NRXN1: variants seen among roughly 807,000 people sequenced by gnomAD.
The protein encoded by NRXN1 is neurexin 1.
Under a neutral mutation model 150.9 loss-of-function variants are expected in NRXN1, and 39 were observed. The observed-to-expected ratio is 0.26, with a 90% confidence interval of 0.20 to 0.34. NRXN1 has a LOEUF of 0.34. NRXN1 is among the 10% of genes least tolerant of loss of function. The pLI, the probability that NRXN1 is intolerant of heterozygous loss-of-function variation, is 1.00. For missense variants in NRXN1, 1,815 were observed against 1,949.9 expected (o/e 0.93, Z 1.30); for synonymous variants, 924 against 757.0 (o/e 1.22, Z -3.62).
chr2:50,875,941 T>G (rs946765511), intron 5 of NRXN1, among the ~76,000 whole-genome samples: 41 of 151,824 alleles, frequency 2.7e-4, no homozygotes, highest in African/African-American at 8.5e-4. Context: ...AGGACTCAAG[T>G]TCTAAGCAGA....
At chr2:50,640,195 G>A (rs1683870271) in intron 5 of NRXN1, among the ~76,000 whole-genome samples, 1 of 152,122 alleles carries the variant, frequency 6.6e-6, no homozygotes, top group South Asian at 2.1e-4. Flanking sequence ...ATCACCATAA[G>A]ACTTGGGCAC....
intron 17 of NRXN1, among the ~76,000 whole-genome samples, chr2:50,357,266 C>T (rs767776109): frequency 6.9e-6 from 1 of 145,760 alleles, no homozygotes; most frequent in African/African-American, 2.5e-5. Flanking sequence ...CCCATCTCTA[C>T]ATAAACAAAT....
chr2:51,028,511 T>C lies in NRXN1; in HGVS notation c.-238A>G, dbSNP rs1670997630. ...AAACGTTGACCCCAGTGGTACAGGG[T>C]AGCCACAGAACTTCCAGACCAAAGG... On this transcript the variant is annotated 5_prime_UTR_variant, in exon 2 of 23. Transcript: ENST00000401669. 1 of 404,338 alleles carries C rather than the reference T, an allele frequency of 2.5e-6. No individual in the cohort carries two copies. Among genetic ancestry groups the C allele is most frequent in the Admixed American group, 4.0e-5 (1 of 25,182 alleles). 25.0% of individuals were successfully genotyped at this position (404,338 alleles called of 1,614,324 possible).
chr2:50,141,880 GA>G (rs1707324475), intron 18 of NRXN1, among the ~76,000 whole-genome samples: 1 of 151,944 alleles, frequency 6.6e-6, no homozygotes, highest in African/African-American at 2.4e-5. Context: ...AGCCATTATG[GA>G]AAACAATACG....
At chr2:50,539,732 C>G (rs1403815996) in intron 9 of NRXN1, among the ~76,000 whole-genome samples, 1 of 152,052 alleles carries the variant, frequency 6.6e-6, no homozygotes, top group Non-Finnish European at 1.5e-5. Flanking sequence ...TAGGAAGAGT[C>G]TGATGAGAGA....
rs541074800 is a variant in NRXN1 at position 51,001,093 on chromosome 2, G to T, written c.772+26409C>A. On this transcript the variant is annotated intron_variant, in intron 2 of 22. Coordinates refer to ENST00000401669, the MANE Select transcript of NRXN1 (RefSeq NM_001330078.2). Reference sequence around the variant, plus strand: ...GAATGCCTTTCCCCATTTGGTGAATGAATAGATTTTTGTGTTTTGTTTTAG... The same window carrying T: ...GAATGCCTTTCCCCATTTGGTGAATTAATAGATTTTTGTGTTTTGTTTTAG... Among the ~76,000 whole-genome samples, 73 of 152,040 alleles carry T rather than the reference G, an allele frequency of 4.8e-4. No individual in the cohort carries two copies. The Middle Eastern group carries it at 0.02, about 43-fold the overall frequency.
chr2:49,962,020 G>A (rs1353673561), intron 21 of NRXN1, among the ~76,000 whole-genome samples: 1 of 152,032 alleles, frequency 6.6e-6, no homozygotes, highest in African/African-American at 2.4e-5. Flanking sequence ...AGGCAGGAGG[G>A]TCACTTGAGT....
At chr2:49,988,186 CA>C (rs1204523013) in intron 21 of NRXN1, among the ~76,000 whole-genome samples, 1 of 151,406 alleles carries the variant, frequency 6.6e-6, no homozygotes, top group Non-Finnish European at 1.5e-5. Flanking sequence ...GGTTTTCTTA[CA>C]TAATAAATAA....
chr2:50,091,598 C>T (rs1423031905), intron 18 of NRXN1, 104 bp from the exon 19 acceptor site: 2 of 1,178,176 alleles, frequency 1.7e-6, no homozygotes, highest in East Asian at 2.5e-5. Flanking sequence ...TGGACAACAG[C>T]TGCTTTCCTC....
chr2:50,404,777 G>A (rs1263760694), intron 17 of NRXN1, among the ~76,000 whole-genome samples: 1 of 152,022 alleles, frequency 6.6e-6, no homozygotes, highest in African/African-American at 2.4e-5. Context: ...AGGCCTGGAG[G>A]GGGATCTTTG....
chr2:50,261,009 A>G (rs1489537619), intron 17 of NRXN1, among the ~76,000 whole-genome samples: 1 of 151,708 alleles, frequency 6.6e-6, no homozygotes, highest in Non-Finnish European at 1.5e-5. Context: ...ACAGAGAAAA[A>G]AAATCCCTCA....
At chr2:50,239,606 CA>C in intron 17 of NRXN1, among the ~76,000 whole-genome samples, 1 of 134,258 alleles carries the variant, frequency 7.4e-6, no homozygotes, top group South Asian at 2.3e-4. Flanking sequence ...TCTAAAGTTG[CA>C]AACTTGGTTA....
chr2:50,466,685 T>C (rs977302904), intron 16 of NRXN1, among the ~76,000 whole-genome samples: 43 of 151,576 alleles, frequency 2.8e-4, no homozygotes, highest in African/African-American at 1.0e-3. Context: ...AAGCAGAAAT[T>C]TATTAGAATT....
intron 17 of NRXN1, among the ~76,000 whole-genome samples, chr2:50,353,154 C>T (rs1056196731): frequency 1.3e-5 from 2 of 152,088 alleles, no homozygotes; most frequent in Non-Finnish European, 2.9e-5. Context: ...TTGTGTTTAG[C>T]TCTGAAATAT....
At chr2:50,172,764 C>T (rs989912212) in intron 18 of NRXN1, among the ~76,000 whole-genome samples, 2 of 152,022 alleles carry the variant, frequency 1.3e-5, no homozygotes, top group East Asian at 3.9e-4. Flanking sequence ...GTCAGGAGTT[C>T]GAGACCAGCC....
intron 18 of NRXN1, among the ~76,000 whole-genome samples, chr2:50,210,072 A>G (rs565358148): frequency 1.3e-5 from 2 of 152,088 alleles, no homozygotes; most frequent in South Asian, 4.1e-4. Flanking sequence ...TTACAGGCAA[A>G]TAATAAGAAT....
chr2:50,585,584 A>G (rs1672971665), intron 8 of NRXN1, among the ~76,000 whole-genome samples: 1 of 152,354 alleles, frequency 6.6e-6, no homozygotes, highest in South Asian at 2.1e-4. Context: ...TAAATTTTAA[A>G]ATATGAATAT....
At chr2:50,079,905 G>A (rs1361874811) in intron 19 of NRXN1, among the ~76,000 whole-genome samples, 1 of 152,042 alleles carries the variant, frequency 6.6e-6, no homozygotes, top group Non-Finnish European at 1.5e-5. Flanking sequence ...TACAGTTTCA[G>A]TTACCCACAG....
chr2:50,949,175 T>C (rs1268376569), intron 2 of NRXN1, among the ~76,000 whole-genome samples: 1 of 152,036 alleles, frequency 6.6e-6, no homozygotes, highest in Non-Finnish European at 1.5e-5. Flanking sequence ...ATTATATACA[T>C]AAATTTTATT....
Sources: gnomAD v4.1 joint callset for allele counts (sites outside exome capture counted in the v4.1 genomes callset) on GRCh38, gnomAD v4.1.1 for gene constraint, MANE v1.5 for transcripts, NCBI Gene and HGNC (gene_info 2026-07-23, HGNC 2026-07-21) for gene names.